The following RIMKLB variants were observed in gnomAD, a reference collection of about 807,000 sequenced individuals.
RIMKLB encodes the protein beta-citrylglutamate synthase B.
RIMKLB carries 7 observed loss-of-function variants against 32.0 expected under a neutral mutation model. The ratio of observed to expected loss-of-function variants is 0.22; its 90% CI spans 0.12 to 0.41. The LOEUF (loss-of-function observed/expected upper bound fraction) is 0.41. Ranked by LOEUF, RIMKLB falls within the 10% of genes least tolerant of loss-of-function variation. The probability of loss-of-function intolerance (pLI) is 1.00; values close to 1 mark genes in which losing one functional copy is unlikely to be tolerated. For missense variants in RIMKLB, 289 were observed against 498.7 expected (o/e 0.58, Z 4.00); for synonymous variants, 172 against 185.1 (o/e 0.93, Z 0.57).
intron 4 of RIMKLB, among the ~76,000 whole-genome samples, chr12:8,753,370 C>T (rs1395976149): frequency 1.3e-5 from 2 of 152,160 alleles, no homozygotes; most frequent in Non-Finnish European, 2.9e-5. Context: ...CCTTTCCCCT[C>T]CCCACCATGG....
chr12:8,768,437 G>A (rs1476196204), intron 5 of RIMKLB, among the ~76,000 whole-genome samples: 5 of 152,180 alleles, frequency 3.3e-5, no homozygotes, highest in African/African-American at 1.2e-4. Context: ...CAGAGCTCCT[G>A]TACAAAGGGA....
upstream of RIMKLB, among the ~76,000 whole-genome samples, chr12:8,693,290 T>TTTCA (rs769314648): frequency 1.7e-4 from 26 of 152,284 alleles, no homozygotes; most frequent in African/African-American, 6.3e-4. Flanking sequence ...AAGATTTTGT[T>TTTCA]TTCATTAAAC....
chr12:8,752,707 TTAGG>T (rs1948715762), intron 4 of RIMKLB, among the ~76,000 whole-genome samples: 1 of 152,094 alleles, frequency 6.6e-6, no homozygotes, highest in African/African-American at 2.4e-5. Context: ...TTAAGGTAGT[TTAGG>T]TAGGTTGTTG....
downstream of RIMKLB, among the ~76,000 whole-genome samples, chr12:8,778,006 C>T (rs886727887): frequency 2.0e-5 from 3 of 152,076 alleles, no homozygotes; most frequent in African/African-American, 7.2e-5. Context: ...ATACTCAAGA[C>T]TTGGGAATTT....
chr12:8,736,517 CTTTTTTTT>C (rs1157484475), intron 2 of RIMKLB, among the ~76,000 whole-genome samples: 1 of 126,774 alleles, frequency 7.9e-6, no homozygotes, highest in Non-Finnish European at 1.7e-5. Flanking sequence ...CATGTATTTC[CTTTTTTTT>C]TTTTTTTTTT....
At position 8,776,357 on chromosome 12, in the gene RIMKLB, G is replaced by C; in HGVS notation, c.*2573G>C. The C allele has an allele frequency of 5.1e-6, 5 of 983,662 alleles. No homozygotes were observed. Among genetic ancestry groups the C allele is most frequent in the Non-Finnish European group, 6.0e-6 (5 of 828,346 alleles). 60.9% of individuals were successfully genotyped at this position (983,662 alleles called of 1,614,324 possible). On this transcript the variant is annotated 3_prime_UTR_variant, in exon 6 of 6. Coordinates refer to ENST00000535829, the MANE Select transcript of RIMKLB (RefSeq NM_001297776.2). The stretch of plus-strand genomic sequence containing the variant: ...TGAATTCCTTCAAGATTGAGGTAGA[G>C]AATAAGAGCAAATCATTCTGGAAGT...
chr12:8,761,569 C>T (rs374454004), intron 5 of RIMKLB, among the ~76,000 whole-genome samples: 4 of 152,106 alleles, frequency 2.6e-5, no homozygotes, highest in East Asian at 1.9e-4. Context: ...TTGACTATTT[C>T]TTTACCGCCT....
chr12:8,780,481 ATG>A (rs1184220973), downstream of RIMKLB: 1 of 152,190 alleles, frequency 6.6e-6, no homozygotes, highest in Non-Finnish European at 1.5e-5. Context: ...AAGTTGGTGT[ATG>A]TGCAAAAATA....
intron 2 of RIMKLB, among the ~76,000 whole-genome samples, chr12:8,722,474 T>A (rs965156809): frequency 1.7e-4 from 26 of 152,176 alleles, no homozygotes; most frequent in African/African-American, 6.0e-4. Flanking sequence ...CTGTTCCACT[T>A]AGCACAGGCA....
intron 5 of RIMKLB, among the ~76,000 whole-genome samples, chr12:8,758,094 G>T (rs778571602): frequency 6.6e-6 from 1 of 151,922 alleles, no homozygotes. Flanking sequence ...ACTGCGCCTG[G>T]CCTGTCATGT....
In RIMKLB at chr12:8,765,610, T is replaced by A. The variant is rs748015185; in HGVS notation, c.698-7711T>A. Among the ~76,000 whole-genome samples, 7 of 152,318 alleles carry A rather than the reference T, an allele frequency of 4.6e-5. 1 individual carries two copies. The highest frequency in any genetic ancestry group is 4.6e-4 in the Admixed American group (7 of 15,306). On this transcript the variant is annotated intron_variant, in intron 5 of 5. Coordinates refer to ENST00000535829, the MANE Select transcript of RIMKLB (RefSeq NM_001297776.2). ...GGTCTATTTTAATTTGCTTCAAGTC[T>A]GAGAGAGAAAAAGGTACATGCACTC...
At chr12:8,718,669 ATGTG>A (rs1182850325) in intron 2 of RIMKLB, among the ~76,000 whole-genome samples, 5,398 of 116,036 alleles carry the variant, frequency 0.047, 98 homozygotes, top group Non-Finnish European at 0.056. Flanking sequence ...ATATATATAT[ATGTG>A]TGTGTGTGTG....
At chr12:8,696,001 C>T (rs1363794740), upstream of RIMKLB, among the ~76,000 whole-genome samples, 2 of 152,296 alleles carry the variant, frequency 1.3e-5, no homozygotes, top group South Asian at 2.1e-4. Flanking sequence ...CCCTGAATAA[C>T]AACTTTTAAG....
intron 5 of RIMKLB, among the ~76,000 whole-genome samples, chr12:8,757,719 C>G (rs1949172254): frequency 6.6e-6 from 1 of 152,020 alleles, no homozygotes. Flanking sequence ...AAACTTCATC[C>G]TTAGATACAT....
intron 2 of RIMKLB, among the ~76,000 whole-genome samples, chr12:8,732,707 A>T (rs1364479240): frequency 6.6e-6 from 1 of 152,052 alleles, no homozygotes; most frequent in Non-Finnish European, 1.5e-5. Context: ...CTTCTTGAAT[A>T]TTCTTCCGGG....
intron 1 of RIMKLB, among the ~76,000 whole-genome samples, chr12:8,698,948 C>T (rs924885213): frequency 7.1e-6 from 1 of 140,654 alleles, no homozygotes; most frequent in Non-Finnish European, 1.6e-5. Flanking sequence ...ACTACTTGCC[C>T]CTCACCCCCC....
chr12:8,768,187 C>G (rs917109738), intron 5 of RIMKLB, among the ~76,000 whole-genome samples: 1 of 152,224 alleles, frequency 6.6e-6, no homozygotes, highest in African/African-American at 2.4e-5. Flanking sequence ...TTAGGAAGAA[C>G]CCAGGCACTT....
intron 5 of RIMKLB, among the ~76,000 whole-genome samples, chr12:8,765,141 G>GA (rs1949850571): frequency 2.6e-5 from 4 of 151,910 alleles, no homozygotes; most frequent in African/African-American, 9.7e-5. Flanking sequence ...CCAGGTGACA[G>GA]GGAGGAATGC....
At chr12:8,777,625 C>CA (rs1279054656), downstream of RIMKLB, 3 of 1,288,566 alleles carry the variant, frequency 2.3e-6, no homozygotes, top group East Asian at 5.6e-5. Flanking sequence ...TACAAACAAA[C>CA]AAAAAAATAC....
Sources: allele counts gnomAD v4.1 joint callset (sites outside exome capture counted in the v4.1 genomes callset), GRCh38; gene constraint gnomAD v4.1.1; transcripts MANE v1.5; gene names NCBI Gene and HGNC (gene_info 2026-07-23, HGNC 2026-07-21).